Variants in CLSTN2 observed in about 807,000 individuals in gnomAD.
CLSTN2 encodes calsyntenin-2.
A neutral mutation model predicts 101.2 loss-of-function variants in CLSTN2; 48 were observed. The observed-to-expected ratio is 0.47, with a 90% confidence interval of 0.38 to 0.60. The LOEUF (loss-of-function observed/expected upper bound fraction) is 0.60, where lower values mean the gene tolerates loss of function less well. Ranked by LOEUF, CLSTN2 falls within the 20% of genes least tolerant of loss-of-function variation. The probability of loss-of-function intolerance (pLI) is 0.00; values close to 1 mark genes in which losing one functional copy is unlikely to be tolerated. For missense variants in CLSTN2, 1,160 were observed against 1,238.2 expected, an observed-to-expected ratio of 0.94 and a Z score of 0.95; for synonymous variants, 481 against 463.6, an observed-to-expected ratio of 1.04 and a Z score of -0.48.
intron 8 of CLSTN2, among the ~76,000 whole-genome samples, chr3:140,481,307 T>A (rs1934111241): frequency 6.6e-6 from 1 of 152,224 alleles, no homozygotes; most frequent in Non-Finnish European, 1.5e-5. Context: ...TTGGTCTATA[T>A]CTCTGTTTTG....
At chr3:140,158,377 G>T (rs1333586312) in intron 1 of CLSTN2, among the ~76,000 whole-genome samples, 3 of 151,924 alleles carry the variant, frequency 2.0e-5, no homozygotes, top group African/African-American at 7.3e-5. Context: ...CTGTACAAAA[G>T]CCAGTAGAAT....
chr3:140,566,306 A>C lies in CLSTN2; in HGVS notation c.*53A>C, dbSNP rs1936026841. The stretch of plus-strand genomic sequence containing the variant: ...ATGTCCCTTTTGTAAACCCTGACCC[A>C]GTGTATGCCCATGTCTATCATACCT... On this transcript the variant is annotated 3_prime_UTR_variant, in exon 17 of 17. Coordinates refer to ENST00000458420, the MANE Select transcript of CLSTN2 (RefSeq NM_022131.3). 3.3e-6 allele frequency: 5 copies of C among 1,499,594 alleles called. No homozygotes were observed. The South Asian group carries it at 3.6e-5, about 11-fold the overall frequency. 92.9% of individuals were successfully genotyped at this position (1,499,594 alleles called of 1,614,324 possible).
rs117195946 is a variant in CLSTN2, at chr3:140,202,491, G to C, written c.232+26418G>C. 7.7e-4 allele frequency among the ~76,000 whole-genome samples: 118 copies of C among 152,322 alleles called. 4 individuals carry two copies. In the East Asian group the frequency reaches 0.019, roughly 24 times the overall value. On this transcript the variant is annotated intron_variant, in intron 2 of 16. Coordinates refer to ENST00000458420, the MANE Select transcript of CLSTN2 (RefSeq NM_022131.3). The stretch of plus-strand genomic sequence containing the variant: ...CATTGCTGAGTTGGAGGAAGGATGC[G>C]GGTGGAGTAGGTTGGAGAAGGATGA...
intron 8 of CLSTN2, among the ~76,000 whole-genome samples, chr3:140,511,632 C>T (rs1231151433): frequency 2.7e-5 from 4 of 146,964 alleles, no homozygotes; most frequent in Non-Finnish European, 5.9e-5. Context: ...TCACTGCAAG[C>T]TCTGCCTCCC....
chr3:140,235,409 G>A (rs780853298), intron 2 of CLSTN2, among the ~76,000 whole-genome samples: 11 of 152,160 alleles, frequency 7.2e-5, no homozygotes, highest in Non-Finnish European at 1.5e-4. Context: ...TACCTTGAGT[G>A]CTGCTGGGTA....
At chr3:140,531,913 A>G (rs1361766378) in intron 8 of CLSTN2, among the ~76,000 whole-genome samples, 4 of 152,158 alleles carry the variant, frequency 2.6e-5, no homozygotes, top group Admixed American at 6.5e-5. Flanking sequence ...CAGCCTAGCA[A>G]TAATCAGAGC....
At chr3:140,501,100 A>G (rs1313443166) in intron 8 of CLSTN2, among the ~76,000 whole-genome samples, 7 of 152,154 alleles carry the variant, frequency 4.6e-5, no homozygotes, top group African/African-American at 7.2e-5. Context: ...CTTAACACAC[A>G]TGGTGCCCAA....
In CLSTN2 at chr3:140,404,769, G is replaced by A. The variant is rs2088284254; in HGVS notation, c.637+3G>A. On this transcript the variant is annotated splice_donor_region_variant and intron_variant, in intron 4 of 16. Transcript: ENST00000458420. ...GCCTTTTGCCATCGACAGAAATGGT[G>A]AGTGACCTCAGAGGACCCCTGTGGG... 6.2e-7 allele frequency: 1 copy of A among 1,613,988 alleles called. No individual in the cohort carries two copies. Among genetic ancestry groups the A allele is most frequent in the Admixed American group, 1.7e-5 (1 of 60,026 alleles).
chr3:140,254,144 C>A (rs1347611765), intron 2 of CLSTN2, among the ~76,000 whole-genome samples: 4 of 152,290 alleles, frequency 2.6e-5, no homozygotes, highest in South Asian at 4.1e-4. Context: ...ACTTCCATTG[C>A]ACATACATGA....
At chr3:140,111,537 C>T (rs1375763261) in intron 1 of CLSTN2, among the ~76,000 whole-genome samples, 2 of 152,116 alleles carry the variant, frequency 1.3e-5, no homozygotes, top group Non-Finnish European at 2.9e-5. Context: ...AAAGTGCCCC[C>T]ACCCACACAG....
intron 8 of CLSTN2, chr3:140,506,800 T>A (rs1446250408): frequency 6.6e-6 from 1 of 152,192 alleles, no homozygotes; most frequent in African/African-American, 2.4e-5. Flanking sequence ...AGTGTGCTGC[T>A]AGGGTAAAAT....
intron 2 of CLSTN2, among the ~76,000 whole-genome samples, chr3:140,212,578 C>T (rs574209283): frequency 3.5e-4 from 54 of 152,266 alleles, no homozygotes; most frequent in African/African-American, 1.3e-3. Flanking sequence ...CCTTCAATGG[C>T]TCCCCTCTGC....
chr3:140,288,244 T>G (rs1237839204), intron 2 of CLSTN2, among the ~76,000 whole-genome samples: 1 of 151,966 alleles, frequency 6.6e-6, no homozygotes, highest in Non-Finnish European at 1.5e-5. Context: ...AGTAAAAAAT[T>G]TATGAAAGAA....
rs2107799559 is a variant in CLSTN2 at position 140,573,177 on chromosome 3, C to T, written c.*6924C>T. ...ACTAGGAGAGCTGCTTTCTACACAG[C>T]CTGTATGCTGGTGGAGACACCCAGG... On this transcript the variant is annotated 3_prime_UTR_variant, in exon 17 of 17. Coordinates refer to ENST00000458420, the MANE Select transcript of CLSTN2 (RefSeq NM_022131.3). 6.6e-6 allele frequency: 1 copy of T among 152,382 alleles called. No individual in the cohort carries two copies. Among genetic ancestry groups the T allele is most frequent in the East Asian group, 1.9e-4 (1 of 5,166 alleles). 9.4% of individuals were successfully genotyped at this position (152,382 alleles called of 1,614,324 possible).
At chr3:140,066,569 A>G (rs926183594) in intron 1 of CLSTN2, among the ~76,000 whole-genome samples, 3 of 152,202 alleles carry the variant, frequency 2.0e-5, no homozygotes, top group Non-Finnish European at 4.4e-5. Flanking sequence ...TTTTACAGGA[A>G]TGTTTCTGTG....
In CLSTN2 at chr3:140,205,626, C is replaced by CCCCCG. The variant is rs1471570483; in HGVS notation, c.232+29555_232+29556insCCGCC. Among the ~76,000 whole-genome samples the CCCCCG allele has an allele frequency of 2.7e-5, 3 of 110,614 alleles. No individual in the cohort carries two copies. In the South Asian group the frequency reaches 1.2e-3, roughly 44 times the overall value. 72.6% of individuals were successfully genotyped at this position (110,614 alleles called of 152,430 possible). ...TTGTTTGGACCTGACCCGCCCCCCA[C>CCCCCG]CCACACACACACACAGCCACCTGCT... is the stretch of plus-strand genomic sequence containing the variant. On this transcript the variant is annotated intron_variant, in intron 2 of 16. Coordinates refer to ENST00000458420, the MANE Select transcript of CLSTN2 (RefSeq NM_022131.3).
intron 1 of CLSTN2, among the ~76,000 whole-genome samples, chr3:139,992,319 A>G (rs773311430): frequency 1.6e-4 from 25 of 152,312 alleles, no homozygotes; most frequent in Middle Eastern, 3.4e-3. Context: ...TAGTCATGCC[A>G]GAATCTTCTC....
At chr3:140,250,312 G>A (rs1409991258) in intron 2 of CLSTN2, among the ~76,000 whole-genome samples, 2 of 152,138 alleles carry the variant, frequency 1.3e-5, no homozygotes, top group Non-Finnish European at 2.9e-5. Context: ...CCTGTCTTTG[G>A]GAATCCATAC....
chr3:140,269,888 A>G (rs1486779193), intron 2 of CLSTN2, among the ~76,000 whole-genome samples: 3 of 152,194 alleles, frequency 2.0e-5, no homozygotes, highest in Non-Finnish European at 4.4e-5. Context: ...CATTTGGAAA[A>G]TGACAATCAT....
Sources: gnomAD v4.1 joint callset for allele counts (sites outside exome capture counted in the v4.1 genomes callset) on GRCh38, gnomAD v4.1.1 for gene constraint, MANE v1.5 for transcripts, NCBI Gene and HGNC (gene_info 2026-07-23, HGNC 2026-07-21) for gene names.